The following ALDH3A2 variants were observed in gnomAD, a reference collection of about 807,000 sequenced individuals.
ALDH3A2 encodes aldehyde dehydrogenase 3 family member A2.
A neutral mutation model predicts 51.3 loss-of-function variants in ALDH3A2; 36 were observed. That is an observed-to-expected ratio of 0.70 (90% CI 0.54 to 0.93). The LOEUF (loss-of-function observed/expected upper bound fraction) is 0.93, where lower values mean the gene tolerates loss of function less well. Ranked by LOEUF, ALDH3A2 falls within the 40% of genes least tolerant of loss-of-function variation. The pLI is 0.00. For synonymous variants in ALDH3A2, 199 were observed against 219.8 expected (o/e 0.91, Z 0.84); for missense variants, 552 against 603.1 (o/e 0.92, Z 0.89).
intron 1 of ALDH3A2, among the ~76,000 whole-genome samples, chr17:19,651,329 C>T (rs1281432986): frequency 6.6e-6 from 1 of 152,128 alleles, no homozygotes; most frequent in Non-Finnish European, 1.5e-5. Context: ...TTACTACTCC[C>T]TGAAATAATC....
At chr17:19,663,600 G>A (rs2084997705) in intron 7 of ALDH3A2, 101 bp downstream of exon 7, 3 of 1,390,220 alleles carry the variant, frequency 2.2e-6, no homozygotes, top group East Asian at 4.8e-5. Flanking sequence ...AAACAATGAT[G>A]GTTTCTTTTG....
intron 7 of ALDH3A2, among the ~76,000 whole-genome samples, chr17:19,664,408 A>C (rs1368567848): frequency 6.6e-6 from 1 of 152,198 alleles, no homozygotes; most frequent in Non-Finnish European, 1.5e-5. Flanking sequence ...CCAAGGGTAA[A>C]TGACGTTTAC....
In ALDH3A2 at chr17:19,651,117, T is replaced by C. The variant is rs2084808914; in HGVS notation, c.154-430T>C. 2.0e-5 allele frequency among the ~76,000 whole-genome samples: 3 copies of C among 152,268 alleles called. No homozygotes were observed. In the East Asian group the frequency reaches 5.8e-4, roughly 29 times the overall value. ...GGAAACAGAACATACACAGATGAAA[T>C]GTGAGTGATAGTTATAAACCAGTGT... On this transcript the variant is annotated intron_variant, in intron 1 of 9. Coordinates refer to ENST00000176643, the MANE Select transcript of ALDH3A2 (RefSeq NM_000382.3).
Position 19,677,181 on chromosome 17 carries a change from A to G in ALDH3A2, c.*1609A>G, listed in dbSNP as rs7215. ...TGCAGGGACTCTGTCCCCACACTCA[A>G]AAAGACTCAGCTCACTCAATGAGAG... On this transcript the variant is annotated 3_prime_UTR_variant, in exon 10 of 10. Coordinates refer to ENST00000176643, the MANE Select transcript of ALDH3A2 (RefSeq NM_000382.3). 78,730 of 152,104 alleles carry G rather than the reference A, an allele frequency of 0.52. 21,386 individuals carry two copies. The highest frequency in any genetic ancestry group is 0.91 in the East Asian group (4,704 of 5,182). 9.4% of individuals were successfully genotyped at this position (152,104 alleles called of 1,614,324 possible).
chr17:19,673,445 C>T (rs1428459648), intron 9 of ALDH3A2, among the ~76,000 whole-genome samples: 3 of 151,486 alleles, frequency 2.0e-5, no homozygotes, highest in African/African-American at 7.3e-5. Flanking sequence ...GGGCCGGGCG[C>T]AGTGGCTCAC....
At chr17:19,655,924 C>T (rs926400341) in intron 3 of ALDH3A2, among the ~76,000 whole-genome samples, 5 of 152,226 alleles carry the variant, frequency 3.3e-5, no homozygotes, top group African/African-American at 1.2e-4. Context: ...GCTACTGTGC[C>T]GGATATACCA....
intron 9 of ALDH3A2, 129 bp downstream of exon 9, chr17:19,672,085 G>T: frequency 1.1e-6 from 1 of 894,702 alleles, no homozygotes; most frequent in Non-Finnish European, 1.8e-6. Context: ...ACAGCCTGCT[G>T]GCCAGCTACC....
Position 19,648,812 on chromosome 17 carries a change from G to A in ALDH3A2, c.-160G>A, listed in dbSNP as rs1201816012. 2 of 1,022,130 alleles carry A rather than the reference G, an allele frequency of 2.0e-6. No individual in the cohort carries two copies. The highest frequency in any genetic ancestry group is 2.6e-5 in the East Asian group (1 of 37,922). 63.3% of individuals were successfully genotyped at this position (1,022,130 alleles called of 1,614,324 possible). A position where few individuals can be genotyped will look rare whatever the true frequency, so the allele number is the denominator to read the frequency against. ...CAGCGGGCGTGGAGGTCGCGGCTGA[G>A]CGAGCGAGCCCTGGGCGAGTGAATT... is the stretch of plus-strand genomic sequence containing the variant. On this transcript the variant is annotated 5_prime_UTR_variant, in exon 1 of 10. Coordinates refer to ENST00000176643, the MANE Select transcript of ALDH3A2 (RefSeq NM_000382.3).
At position 19,671,722 on chromosome 17, in the gene ALDH3A2, T is replaced by A; in HGVS notation, c.1209T>A (p.Gly403=). Residue 403 remains glycine, a splice_region_variant and synonymous_variant, in exon 9 of 10, where the codon GGT becomes GGA. Coordinates refer to ENST00000176643, the MANE Select transcript of ALDH3A2 (RefSeq NM_000382.3). ...TLNSFPFGGV[G]SSGMGAYHGK... is the part of the protein sequence containing the mutation. Reference sequence around the variant, plus strand: ...TTTTGTCTGTTCCCTTTATTTCAGGTTCCAGTGGGATGGGAGCTTATCACG... The same window carrying A: ...TTTTGTCTGTTCCCTTTATTTCAGGATCCAGTGGGATGGGAGCTTATCACG... 6.2e-7 allele frequency: 1 copy of A among 1,612,674 alleles called. No homozygotes were observed. The highest frequency in any genetic ancestry group is 8.5e-7 in the Non-Finnish European group (1 of 1,178,620).
At position 19,677,088 on chromosome 17, in the gene ALDH3A2, C is replaced by G. The variant is rs1162144603; in HGVS notation, c.*1516C>G. On this transcript the variant is annotated 3_prime_UTR_variant, in exon 10 of 10. Coordinates refer to ENST00000176643, the MANE Select transcript of ALDH3A2 (RefSeq NM_000382.3). ...TGAGTGGGCAAGGCTGAAGAAGAGG[C>G]CTGTGGAATGCAGCATTACCTGCTG... 1.3e-5 allele frequency: 2 copies of G among 152,256 alleles called. No homozygotes were observed. The highest frequency in any genetic ancestry group is 4.8e-5 in the African/African-American group (2 of 41,442). The allele number at this position is 152,256 out of a possible 1,614,324, so 9.4% of individuals were successfully genotyped here.
At chr17:19,660,894 A>G (rs1476124222) in intron 5 of ALDH3A2, among the ~76,000 whole-genome samples, 1 of 152,180 alleles carries the variant, frequency 6.6e-6, no homozygotes, top group East Asian at 1.9e-4. Context: ...CTTTGGAACT[A>G]TGGACAATGA....
chr17:19,664,106 G>C, intron 7 of ALDH3A2, among the ~76,000 whole-genome samples: 1 of 152,192 alleles, frequency 6.6e-6, no homozygotes, highest in East Asian at 1.9e-4. Flanking sequence ...GTAATGTATA[G>C]ATAGTCATGT....
chr17:19,670,601 C>T (rs1331811601), intron 8 of ALDH3A2, among the ~76,000 whole-genome samples: 1 of 147,720 alleles, frequency 6.8e-6, no homozygotes, highest in Admixed American at 6.8e-5. Context: ...CTCGCTCTGT[C>T]GCCCAGGCTG....
At chr17:19,666,066 G>A (rs1038456210) in intron 8 of ALDH3A2, among the ~76,000 whole-genome samples, 2 of 152,070 alleles carry the variant, frequency 1.3e-5, no homozygotes, top group Admixed American at 6.6e-5. Flanking sequence ...GGCGGGAAGA[G>A]GCCAATTGGT....
intron 9 of ALDH3A2, chr17:19,675,249 A>T (rs1216987699): frequency 2.9e-6 from 1 of 346,350 alleles, no homozygotes; most frequent in South Asian, 7.0e-5. Context: ...TAGGATAATA[A>T]GTTAGTACTC....
Position 19,663,333 on chromosome 17 carries a change from C to T in ALDH3A2, c.941C>T (p.Ala314Val), listed in dbSNP as rs771140670. Residue 314 changes from alanine to valine, a missense_variant and splice_region_variant, in exon 7 of 10, where the codon GCC (alanine) becomes GTC (valine). Transcript: ENST00000176643. ...TTCATTTTGTTTATTTTCTTTTTAG[C>T]CCCAACAGTACTTACCGATGTTGAT... is the stretch of plus-strand genomic sequence containing the variant. ...GETDEATRYI[A>V]PTVLTDVDPK... The T allele has an allele frequency of 1.2e-6, 2 of 1,613,844 alleles. No individual in the cohort carries two copies. The highest frequency in any genetic ancestry group is 1.1e-5 in the South Asian group (1 of 91,058).
intron 8 of ALDH3A2, among the ~76,000 whole-genome samples, chr17:19,670,752 G>A (rs1013405837): frequency 9.2e-5 from 14 of 152,262 alleles, no homozygotes; most frequent in East Asian, 5.8e-4. Flanking sequence ...TAGTAGAGAC[G>A]GGATTTAACG....
chr17:19,649,147 G>T, intron 1 of ALDH3A2, 23 bp downstream of exon 1: 4 of 1,548,508 alleles, frequency 2.6e-6, no homozygotes, highest in Non-Finnish European at 3.5e-6. Context: ...GCGGCGGGGT[G>T]TGGGGAAACT....
intron 3 of ALDH3A2, 137 bp downstream of exon 3, chr17:19,652,769 A>G (rs2084834049): frequency 1.3e-6 from 1 of 756,458 alleles, no homozygotes; most frequent in Non-Finnish European, 2.3e-6. Context: ...TGGCTTAGCA[A>G]AAGAAGTTCG....
Sources: gnomAD v4.1 joint callset for allele counts (sites outside exome capture counted in the v4.1 genomes callset) on GRCh38, gnomAD v4.1.1 for gene constraint, MANE v1.5 for transcripts, NCBI Gene and HGNC (gene_info 2026-07-23, HGNC 2026-07-21) for gene names.